The following DYNC2LI1 variants were observed in gnomAD, a reference collection of about 807,000 sequenced individuals.
DYNC2LI1 encodes the protein dynein cytoplasmic 2 light intermediate chain 1.
A neutral mutation model predicts 51.9 loss-of-function variants in DYNC2LI1; 45 were observed. The ratio of observed to expected loss-of-function variants is 0.87; its 90% CI spans 0.68 to 1.11. DYNC2LI1 has a LOEUF of 1.11. DYNC2LI1 is among the 50% of genes most tolerant of loss of function. The pLI is 0.00. For synonymous variants in DYNC2LI1, 130 were observed against 137.8 expected, an observed-to-expected ratio of 0.94 and a Z score of 0.40; for missense variants, 490 against 417.4, an observed-to-expected ratio of 1.17 and a Z score of -1.51.
At chr2:43,823,798 G>A in the DYNC2LI1 span, 1 of 1,232,742 alleles carries the variant, frequency 8.1e-7, no homozygotes, top group Non-Finnish European at 1.1e-6. Flanking sequence ...ACCTGGAGAG[G>A]GCTGGGTTTA....
At chr2:43,777,891 T>G (rs1324076893) in intron 2 of DYNC2LI1, among the ~76,000 whole-genome samples, 1 of 152,222 alleles carries the variant, frequency 6.6e-6, no homozygotes, top group Non-Finnish European at 1.5e-5. Flanking sequence ...GAATATAATC[T>G]GAATTAAAAA....
the DYNC2LI1 span, among the ~76,000 whole-genome samples, chr2:43,815,918 A>AG: frequency 6.6e-6 from 1 of 151,454 alleles, no homozygotes; most frequent in African/African-American, 2.4e-5. Flanking sequence ...AAGAAAAAAA[A>AG]AAAAAAAAAG....
At chr2:43,774,167 G>T in intron 1 of DYNC2LI1, 21 bp downstream of exon 1, 1 of 1,613,696 alleles carries the variant, frequency 6.2e-7, no homozygotes, top group East Asian at 2.2e-5. Context: ...AACCCGGCTT[G>T]CGTGGGAAAG....
intron 2 of DYNC2LI1, among the ~76,000 whole-genome samples, chr2:43,781,318 G>C (rs1302915193): frequency 6.6e-6 from 1 of 151,534 alleles, no homozygotes; most frequent in East Asian, 1.9e-4. Flanking sequence ...CATGAGCCAA[G>C]ATGGTGCCAC....
chr2:43,805,486 GACTT>G (rs1196883358), intron 12 of DYNC2LI1: 1 of 241,820 alleles, frequency 4.1e-6, no homozygotes, highest in Non-Finnish European at 7.9e-6. Flanking sequence ...ACCCAGACAT[GACTT>G]AGTGTTCACA....
chr2:43,822,676 A>T, the DYNC2LI1 span: 9 of 1,564,212 alleles, frequency 5.8e-6, no homozygotes, highest in Middle Eastern at 1.7e-4. Context: ...CTAGACACTG[A>T]TGGGCAAAGT....
the DYNC2LI1 span, chr2:43,822,568 A>C: frequency 1.0e-6 from 1 of 978,958 alleles, no homozygotes; most frequent in South Asian, 4.8e-5. Context: ...GGTCATTCCC[A>C]GGCACATGTC....
chr2:43,813,197 C>G (rs1666571377), downstream of DYNC2LI1: 2 of 1,601,518 alleles, frequency 1.2e-6, no homozygotes, highest in Non-Finnish European at 8.6e-7. Context: ...AATACAAAAT[C>G]AGAAAGTTCA....
At chr2:43,814,553 G>T (rs538393765), downstream of DYNC2LI1, 19 of 1,606,958 alleles carry the variant, frequency 1.2e-5, no homozygotes, top group South Asian at 1.7e-4. Flanking sequence ...TAAAATAACT[G>T]ATGATTTTAA....
At chr2:43,815,219 T>A in the DYNC2LI1 span, among the ~76,000 whole-genome samples, 1 of 152,202 alleles carries the variant, frequency 6.6e-6, no homozygotes, top group South Asian at 2.1e-4. Context: ...TCCTCTCCAA[T>A]CTATTTCAGG....
At chr2:43,781,848 C>T (rs112767530) in intron 2 of DYNC2LI1, 26,516 of 151,928 alleles carry the variant, frequency 0.17, 2,438 homozygotes, top group Middle Eastern at 0.24. Flanking sequence ...GTGATCCACC[C>T]GCCTCGGCCT....
the DYNC2LI1 span, chr2:43,824,751 A>G: frequency 3.4e-6 from 5 of 1,463,298 alleles, no homozygotes; most frequent in Non-Finnish European, 4.6e-6. Flanking sequence ...GACCCGGCCA[A>G]ATTGATTCCT....
At chr2:43,806,951 C>G (rs113229858) in intron 12 of DYNC2LI1, among the ~76,000 whole-genome samples, 1 of 152,202 alleles carries the variant, frequency 6.6e-6, no homozygotes, top group African/African-American at 2.4e-5. Context: ...CTCTAAACCA[C>G]TTTTATTTGT....
chr2:43,789,720 C>A lies in DYNC2LI1; in HGVS notation c.319C>A (p.Arg107=), dbSNP rs748032561. The A allele has an allele frequency of 6.2e-7, 1 of 1,612,396 alleles. No homozygotes were observed. The change falls in exon 5 of 13, where the codon CGG becomes AGG. Residue 107 remains arginine (R), a splice_region_variant and synonymous_variant. Transcript: ENST00000260605. ...CATACCCATCACAGGTGACACCTTA[C>A]GGTAAGTGAGCCAGCTCCAGGAAAA... is the stretch of plus-strand genomic sequence containing the variant. ...ISIPITGDTL[R]TFSLVLVLDL... is the part of the protein sequence containing the mutation.
chr2:43,800,278 C>T (rs537352244), intron 8 of DYNC2LI1, among the ~76,000 whole-genome samples: 1 of 152,250 alleles, frequency 6.6e-6, no homozygotes, highest in East Asian at 1.9e-4. Flanking sequence ...TATACCAGCA[C>T]TGAAAATATT....
At chr2:43,818,819 A>G in the DYNC2LI1 span, among the ~76,000 whole-genome samples, 3 of 152,172 alleles carry the variant, frequency 2.0e-5, no homozygotes, top group Admixed American at 1.3e-4. Context: ...TTTCATATTG[A>G]TTATTTCCGT....
intron 5 of DYNC2LI1, among the ~76,000 whole-genome samples, chr2:43,791,888 T>C (rs1407121411): frequency 6.6e-6 from 1 of 152,212 alleles, no homozygotes; most frequent in Non-Finnish European, 1.5e-5. Context: ...TTTTTGGCTA[T>C]CATTTGCTAT....
chr2:43,802,695 G>C (rs1475324836), intron 10 of DYNC2LI1, among the ~76,000 whole-genome samples: 1 of 152,076 alleles, frequency 6.6e-6, no homozygotes, highest in African/African-American at 2.4e-5. Flanking sequence ...GATCTCATCG[G>C]AATTAAAAAC....
At chr2:43,815,910 GAAAAA>G in the DYNC2LI1 span, among the ~76,000 whole-genome samples, 1 of 104,062 alleles carries the variant, frequency 9.6e-6, no homozygotes, top group Non-Finnish European at 2.1e-5. Context: ...AACAGGAAAA[GAAAAA>G]AAAAAAAAAA....
Sources: allele counts gnomAD v4.1 joint callset (sites outside exome capture counted in the v4.1 genomes callset), GRCh38; gene constraint gnomAD v4.1.1; transcripts MANE v1.5; gene names NCBI Gene and HGNC (gene_info 2026-07-23, HGNC 2026-07-21).